Variants in IFNG-AS1 observed in about 807,000 individuals in gnomAD.
IFNG-AS1 encodes IFNG regulatory antisense RNA 1.
chr12:67,999,783 A>G (rs1049583938), intron 2 of IFNG-AS1, among the ~76,000 whole-genome samples: 5 of 152,226 alleles, frequency 3.3e-5, no homozygotes, highest in Admixed American at 6.5e-5. Context: ...GGATATTTAC[A>G]TAGTCCTAAA....
chr12:68,001,751 G>T (rs1291434353), intron 2 of IFNG-AS1, among the ~76,000 whole-genome samples: 3 of 152,176 alleles, frequency 2.0e-5, no homozygotes, highest in Non-Finnish European at 4.4e-5. Flanking sequence ...TGATTTCATG[G>T]TTTGAAATCT....
chr12:68,005,671 C>T (rs77800852), intron 2 of IFNG-AS1, among the ~76,000 whole-genome samples: 5,778 of 152,206 alleles, frequency 0.038, 172 homozygotes, highest in Non-Finnish European at 0.059. Context: ...AGATCATGAC[C>T]CTTGCCCTTA....
intron 3 of IFNG-AS1, among the ~76,000 whole-genome samples, chr12:68,010,309 C>A (rs575657798): frequency 6.6e-6 from 1 of 152,126 alleles, no homozygotes; most frequent in Non-Finnish European, 1.5e-5. Flanking sequence ...AATGTATAGG[C>A]CTCTTTAAAG....
intron 1 of IFNG-AS1, among the ~76,000 whole-genome samples, chr12:67,991,425 G>A (rs1311753794): frequency 6.6e-6 from 1 of 152,064 alleles, no homozygotes; most frequent in Non-Finnish European, 1.5e-5. Context: ...GAGATGAGGG[G>A]GAGCAGTTCA....
At chr12:67,989,776 T>C (rs992768795) in intron 1 of IFNG-AS1, among the ~76,000 whole-genome samples, 1 of 152,126 alleles carries the variant, frequency 6.6e-6, no homozygotes, top group Non-Finnish European at 1.5e-5. Flanking sequence ...GAGACCCGCA[T>C]GGCTGGAATG....
intron 4 of IFNG-AS1, chr12:68,020,283 A>G (rs1880256676): frequency 6.6e-6 from 1 of 152,166 alleles, no homozygotes; most frequent in Non-Finnish European, 1.5e-5. Flanking sequence ...AGCCATCAAG[A>G]GTATTTGAAA....
At chr12:68,015,848 G>T (rs919864255) in intron 3 of IFNG-AS1, among the ~76,000 whole-genome samples, 2 of 152,076 alleles carry the variant, frequency 1.3e-5, no homozygotes, top group African/African-American at 4.8e-5. Flanking sequence ...CCAGTATAGC[G>T]TGGAGGTTAA....
At chr12:68,015,373 G>A (rs117822707) in intron 3 of IFNG-AS1, among the ~76,000 whole-genome samples, 3,094 of 152,288 alleles carry the variant, frequency 0.02, 39 homozygotes, top group Non-Finnish European at 0.031. Context: ...AGGTTTGGAA[G>A]GGAAGGGCCG....
chr12:67,990,850 T>C (rs1467298470), intron 1 of IFNG-AS1, among the ~76,000 whole-genome samples: 1 of 152,090 alleles, frequency 6.6e-6, no homozygotes, highest in African/African-American at 2.4e-5. Context: ...CCTCGGCCTC[T>C]CAAAGTGCTG....
intron 2 of IFNG-AS1, among the ~76,000 whole-genome samples, chr12:68,002,085 A>G (rs1182903626): frequency 1.3e-5 from 2 of 152,232 alleles, no homozygotes; most frequent in African/African-American, 2.4e-5. Context: ...GTAATGTTTG[A>G]GAAAAATATT....
intron 3 of IFNG-AS1, among the ~76,000 whole-genome samples, chr12:68,015,485 C>T (rs898344248): frequency 4.6e-5 from 7 of 152,102 alleles, no homozygotes; most frequent in Non-Finnish European, 8.8e-5. Context: ...ACCTTCTCAT[C>T]TCCTCATATG....
intron 2 of IFNG-AS1, among the ~76,000 whole-genome samples, chr12:68,003,856 G>T (rs1432502686): frequency 2.0e-5 from 3 of 150,538 alleles, no homozygotes; most frequent in African/African-American, 7.3e-5. Flanking sequence ...GCAGTGAACC[G>T]AGATCGCCCC....
intron 1 of IFNG-AS1, chr12:67,995,809 A>G (rs1476065142): frequency 6.6e-6 from 1 of 152,184 alleles, no homozygotes; most frequent in African/African-American, 2.4e-5. Context: ...AAGACTGAGG[A>G]TTATTTATCC....
intron 3 of IFNG-AS1, among the ~76,000 whole-genome samples, chr12:68,009,165 C>T (rs1283525703): frequency 1.3e-5 from 2 of 152,124 alleles, no homozygotes; most frequent in Non-Finnish European, 1.5e-5. Flanking sequence ...TGAAATAAGA[C>T]AATATGTTTA....
intron 2 of IFNG-AS1, among the ~76,000 whole-genome samples, chr12:68,001,094 CAT>C (rs1417683059): frequency 1.1e-4 from 16 of 152,270 alleles, no homozygotes; most frequent in Admixed American, 8.5e-4. Context: ...CATACACACA[CAT>C]ATATACTTGC....
intron 3 of IFNG-AS1, among the ~76,000 whole-genome samples, chr12:68,009,582 C>T (rs534640464): frequency 6.6e-6 from 1 of 152,150 alleles, no homozygotes; most frequent in East Asian, 1.9e-4. Flanking sequence ...GCCTCGTGAT[C>T]CACCCACCTC....
intron 1 of IFNG-AS1, among the ~76,000 whole-genome samples, chr12:67,995,159 C>T (rs919402242): frequency 1.3e-5 from 2 of 151,904 alleles, no homozygotes; most frequent in Non-Finnish European, 1.5e-5. Context: ...AGTGGTGGCT[C>T]ACGTCTGTAA....
chr12:68,006,721 A>G (rs997961673), intron 3 of IFNG-AS1, among the ~76,000 whole-genome samples: 17 of 152,238 alleles, frequency 1.1e-4, no homozygotes, highest in Admixed American at 3.3e-4. Context: ...TGAGTCAGAA[A>G]GAGATTCTCC....
chr12:68,012,562 A>G (rs1166163364), intron 3 of IFNG-AS1, among the ~76,000 whole-genome samples: 3 of 152,244 alleles, frequency 2.0e-5, no homozygotes, highest in African/African-American at 7.2e-5. Context: ...AACACTTTTC[A>G]TAAGAATTCA....
Sources: allele counts gnomAD v4.1 joint callset (sites outside exome capture counted in the v4.1 genomes callset), GRCh38; gene constraint gnomAD v4.1.1; transcripts MANE v1.5; gene names NCBI Gene and HGNC (gene_info 2026-07-23, HGNC 2026-07-21).